Variants in TPCN1 observed in about 807,000 individuals in gnomAD.
The protein encoded by TPCN1 is two pore segment channel 1, also known as two pore channel protein 1.
TPCN1 carries 52 observed loss-of-function variants against 108.8 expected under a neutral mutation model. The observed-to-expected ratio is 0.48, with a 90% CI of 0.38 to 0.60. TPCN1 has a LOEUF of 0.60. Ranked by LOEUF, TPCN1 falls within the 20% of genes least tolerant of loss-of-function variation. The pLI, the probability that TPCN1 is intolerant of heterozygous loss-of-function variation, is 0.00. For missense variants in TPCN1, 806 were observed against 1,072.8 expected (o/e 0.75, Z 3.47); for synonymous variants, 446 against 433.7 (o/e 1.03, Z -0.35).
In TPCN1 at chr12:113,266,379, CG is replaced by C; in HGVS notation, c.414+29del. On this transcript the variant is annotated intron_variant, in intron 4 of 27. Transcript: ENST00000335509. This position sits in a 1 kb window ranked among gnomAD's most constrained non-coding sequence, Gnocchi z 4.2. ...TATGTGAGCGCACATGCTCCTCATA[CG>C]GGGGGCTGGGAGCCACGGCTTTCAG... is the stretch of plus-strand genomic sequence containing the variant. The C allele has an allele frequency of 6.3e-7, 1 of 1,599,120 alleles. No individual in the cohort carries two copies.
chr12:113,240,707 G>A (rs1418337624), intron 2 of TPCN1, among the ~76,000 whole-genome samples: 2 of 151,914 alleles, frequency 1.3e-5, no homozygotes, highest in Non-Finnish European at 2.9e-5. Flanking sequence ...TTGTGTTGCA[G>A]GGAGAATTAA....
chr12:113,282,371 G>A lies in TPCN1; in HGVS notation c.1342+2176G>A, dbSNP rs376900250. 4.0e-5 allele frequency among the ~76,000 whole-genome samples: 6 copies of A among 151,870 alleles called. No individual in the cohort carries two copies. The East Asian group carries it at 5.8e-4, about 15-fold the overall frequency. On this transcript the variant is annotated intron_variant, in intron 15 of 27. Coordinates refer to ENST00000335509, the MANE Select transcript of TPCN1 (RefSeq NM_017901.6). ...GCCTCCCAAAGTGCTAGGATTACAG[G>A]CATGAGCCACCGCATCCGGCCTACA...
chr12:113,249,028 G>A (rs1218295302), intron 2 of TPCN1, among the ~76,000 whole-genome samples: 2 of 152,146 alleles, frequency 1.3e-5, no homozygotes, highest in African/African-American at 4.8e-5. Context: ...TCAGCTGATT[G>A]TGGGAGAGGA....
chr12:113,227,073 C>A (rs1446046232), intron 2 of TPCN1, 109 bp downstream of exon 2: 3 of 903,312 alleles, frequency 3.3e-6, no homozygotes, highest in African/African-American at 3.4e-5. Context: ...TGTTGCCTGG[C>A]CCCACATTTG....
chr12:113,292,808 A>G (rs1956310229), intron 25 of TPCN1, 126 bp from the exon 26 acceptor site: 3 of 1,081,336 alleles, frequency 2.8e-6, no homozygotes, highest in South Asian at 1.6e-5. Context: ...CAGGACACCA[A>G]TGCAGTGTCG....
intron 1 of TPCN1, among the ~76,000 whole-genome samples, chr12:113,226,157 T>C (rs1217206237): frequency 4.0e-5 from 6 of 151,880 alleles, no homozygotes; most frequent in Non-Finnish European, 4.4e-5. Context: ...CTGGCCTTAA[T>C]TGATCTTCCC....
intron 2 of TPCN1, among the ~76,000 whole-genome samples, chr12:113,245,146 G>A (rs1420784477): frequency 6.6e-6 from 1 of 152,148 alleles, no homozygotes; most frequent in African/African-American, 2.4e-5. Context: ...ATCCATGCCT[G>A]TAGTCCCAGC....
intron 15 of TPCN1, among the ~76,000 whole-genome samples, chr12:113,281,912 C>CTTTT (rs1161003553): frequency 3.3e-5 from 4 of 119,684 alleles, no homozygotes; most frequent in African/African-American, 6.5e-5. Context: ...ATTTGGATTT[C>CTTTT]TTTTTTTTTT....
At chr12:113,265,135 C>T (rs1255660851) in intron 3 of TPCN1, among the ~76,000 whole-genome samples, 1 of 152,066 alleles carries the variant, frequency 6.6e-6, no homozygotes, top group Non-Finnish European at 1.5e-5. Flanking sequence ...TTGGGTAGCT[C>T]TTGATGGGTG....
chr12:113,243,055 C>G (rs1566146754), intron 2 of TPCN1, among the ~76,000 whole-genome samples: 1 of 152,200 alleles, frequency 6.6e-6, no homozygotes, highest in East Asian at 1.9e-4. Context: ...TATGTGTTTG[C>G]ATGTAGGTGG....
intron 1 of TPCN1, among the ~76,000 whole-genome samples, chr12:113,225,659 ATTC>A (rs1566130372): frequency 6.6e-6 from 1 of 151,898 alleles, no homozygotes; most frequent in Non-Finnish European, 1.5e-5. Flanking sequence ...GGTTCAAGCG[ATTC>A]TCCTGCCTCA....
chr12:113,237,548 G>A (rs1160123877), intron 2 of TPCN1, among the ~76,000 whole-genome samples: 3 of 152,022 alleles, frequency 2.0e-5, no homozygotes, highest in Admixed American at 1.3e-4. Flanking sequence ...TAGTAGAGAC[G>A]GGGTTTCACC....
Position 113,288,014 on chromosome 12 carries a change from G to A in TPCN1, c.1635-149G>A. ...ATCACCTGAGCCCAGCTCAGGGTTG[G>A]TGGCGCCCAAGGGAGTGGACGCAGG... On this transcript the variant is annotated intron_variant, in intron 19 of 27. Coordinates refer to ENST00000335509, the MANE Select transcript of TPCN1 (RefSeq NM_017901.6). This position sits in a 1 kb window ranked among gnomAD's most constrained non-coding sequence, Gnocchi z 4.8. The A allele has an allele frequency of 1.4e-6, 1 of 713,746 alleles. No homozygotes were observed. Among genetic ancestry groups the A allele is most frequent in the Non-Finnish European group, 2.3e-6 (1 of 434,218 alleles). The allele number at this position is 713,746 out of a possible 1,614,324, so 44.2% of individuals were successfully genotyped here.
intron 25 of TPCN1, 76 bp downstream of exon 25, chr12:113,292,034 T>G (rs2136769966): frequency 3.1e-6 from 4 of 1,279,702 alleles, no homozygotes; most frequent in Non-Finnish European, 4.6e-6. Flanking sequence ...TGGGTGGCTG[T>G]CCAGCCAGCC....
At chr12:113,244,461 C>G in intron 2 of TPCN1, 1 of 985,428 alleles carries the variant, frequency 1.0e-6, no homozygotes, top group Non-Finnish European at 1.2e-6. Flanking sequence ...AACCAATTAT[C>G]AGAAAGAGAA....
At position 113,298,535 on chromosome 12, in the gene TPCN1, TTG is replaced by T. The variant is rs1566217131; in HGVS notation, c.*2463_*2464del. 1 of 152,258 alleles carries T rather than the reference TTG, an allele frequency of 6.6e-6. No individual in the cohort carries two copies. Among genetic ancestry groups the T allele is most frequent in the African/African-American group, 2.4e-5 (1 of 41,462 alleles). The allele number at this position is 152,258 out of a possible 1,614,324, so 9.4% of individuals were successfully genotyped here. The stretch of plus-strand genomic sequence containing the variant: ...GGTGGTTTGTTTCCTAGAAAACCCA[TTG>T]TGTCTCTGGATTTCTAGCACATTAC... On this transcript the variant is annotated 3_prime_UTR_variant, in exon 28 of 28. Coordinates refer to ENST00000335509, the MANE Select transcript of TPCN1 (RefSeq NM_017901.6).
At chr12:113,291,719 C>A in intron 24 of TPCN1, 42 bp downstream of exon 24, 1 of 1,601,442 alleles carries the variant, frequency 6.2e-7, no homozygotes, top group Non-Finnish European at 8.5e-7. Context: ...CTTCGTCTTC[C>A]ACATCACCAG....
intron 2 of TPCN1, among the ~76,000 whole-genome samples, chr12:113,256,322 A>G (rs1361999041): frequency 1.3e-4 from 20 of 151,260 alleles, no homozygotes; most frequent in Admixed American, 1.1e-3. Context: ...GGGTCTCACT[A>G]TATTCCCCAG....
chr12:113,234,578 G>T (rs1033946383), intron 2 of TPCN1, among the ~76,000 whole-genome samples: 1 of 152,162 alleles, frequency 6.6e-6, no homozygotes, highest in Non-Finnish European at 1.5e-5. Context: ...TACCCTTTAC[G>T]CCTTGTTTGC....
Sources: gnomAD v4.1 joint callset for allele counts (sites outside exome capture counted in the v4.1 genomes callset) on GRCh38, gnomAD v4.1.1 for gene constraint, Gnocchi (gnomAD v3.1) non-coding constraint, MANE v1.5 for transcripts, NCBI Gene and HGNC (gene_info 2026-07-23, HGNC 2026-07-21) for gene names.